Variants in CLMN observed in about 807,000 individuals in gnomAD.
CLMN encodes the protein calmin (calponin-like, transmembrane).
A neutral mutation model predicts 92.7 loss-of-function variants in CLMN; 57 were observed. The observed-to-expected ratio is 0.61, with a 90% CI of 0.50 to 0.77. The LOEUF is 0.77. Among genes scored for constraint, CLMN ranks in the 30% least tolerant of loss-of-function variants. The probability of loss-of-function intolerance (pLI) is 0.00; values close to 1 mark genes in which losing one functional copy is unlikely to be tolerated. For synonymous variants in CLMN, 466 were observed against 470.6 expected, an observed-to-expected ratio of 0.99 and a Z score of 0.13; for missense variants, 1,158 against 1,237.5, an observed-to-expected ratio of 0.94 and a Z score of 0.96.
intron 4 of CLMN, among the ~76,000 whole-genome samples, chr14:95,216,931 C>T (rs947765060): frequency 1.3e-5 from 2 of 152,176 alleles, no homozygotes; most frequent in Non-Finnish European, 2.9e-5. Flanking sequence ...GTAAGTGCGC[C>T]AGGTGATTCC....
At chr14:95,282,871 T>C (rs2140743250) in intron 1 of CLMN, among the ~76,000 whole-genome samples, 1 of 152,320 alleles carries the variant, frequency 6.6e-6, no homozygotes, top group Non-Finnish European at 1.5e-5. Flanking sequence ...CTGGAGCCTG[T>C]CAGATGCAGG....
At chr14:95,207,350 G>A (rs892066177) in intron 8 of CLMN, among the ~76,000 whole-genome samples, 6 of 152,088 alleles carry the variant, frequency 3.9e-5, no homozygotes, top group Non-Finnish European at 4.4e-5. Flanking sequence ...TAACTCCTGG[G>A]CTCAAGCAAT....
intron 1 of CLMN, among the ~76,000 whole-genome samples, chr14:95,269,176 C>T (rs1301115004): frequency 6.6e-6 from 1 of 151,936 alleles, no homozygotes; most frequent in Non-Finnish European, 1.5e-5. Flanking sequence ...CTTCATCCAC[C>T]AAGACGTTAA....
In CLMN at chr14:95,294,661, T is replaced by C. The variant is rs1019135547; in HGVS notation, c.82+25050A>G. ...GGATAAATCCCTGTGCTAGTCTCCT[T>C]TGCACACCCCTCCTCCTACTTCATC... is the stretch of plus-strand genomic sequence containing the variant. On this transcript the variant is annotated intron_variant, in intron 1 of 12. Transcript: ENST00000298912. The surrounding 1 kb of genome is among the most constrained non-coding windows in gnomAD (Gnocchi z 4.2). Among the ~76,000 whole-genome samples the C allele has an allele frequency of 4.6e-5, 7 of 152,160 alleles. No individual in the cohort carries two copies. Among genetic ancestry groups the C allele is most frequent in the Admixed American group, 4.6e-4 (7 of 15,284 alleles).
Position 95,210,648 on chromosome 14 carries a change from A to G in CLMN, c.802+38T>C, listed in dbSNP as rs74669418. The G allele has an allele frequency of 3.1e-3, 4,917 of 1,587,128 alleles. 10 individuals carry two copies. The highest frequency in any genetic ancestry group is 3.9e-3 in the Non-Finnish European group (4,531 of 1,171,372). ...GGGACAGCAAGTGGTACATTTGTAA[A>G]AAAAAATTATTAGAAAGAAAGAGAG... is the stretch of plus-strand genomic sequence containing the variant. On this transcript the variant is annotated intron_variant, in intron 7 of 12. Transcript: ENST00000298912.
At position 95,189,607 on chromosome 14, in the gene CLMN, C is replaced by G. The variant is rs1214965153; in HGVS notation, c.*1957G>C. On this transcript the variant is annotated 3_prime_UTR_variant, in exon 13 of 13. Coordinates refer to ENST00000298912, the MANE Select transcript of CLMN (RefSeq NM_024734.4). ...AGGTTTTTCTGAACAAGGTCTAGAC[C>G]CATAAAATGAAATGATTCACATTTG... 6.6e-6 allele frequency: 1 copy of G among 152,132 alleles called. No individual in the cohort carries two copies. Among genetic ancestry groups the G allele is most frequent in the Non-Finnish European group, 1.5e-5 (1 of 68,022 alleles). The allele number at this position is 152,132 out of a possible 1,614,324, so 9.4% of individuals were successfully genotyped here.
intron 1 of CLMN, among the ~76,000 whole-genome samples, chr14:95,291,384 G>A (rs2140759283): frequency 6.6e-6 from 1 of 152,354 alleles, no homozygotes; most frequent in Admixed American, 6.5e-5. Context: ...CTCGGGGCTG[G>A]CTAATACCTG....
intron 1 of CLMN, among the ~76,000 whole-genome samples, chr14:95,252,043 C>T (rs1188551869): frequency 5.3e-5 from 8 of 152,234 alleles, no homozygotes; most frequent in Admixed American, 5.2e-4. Context: ...GCGCCTCTTC[C>T]TTCCAGTCCT....
At position 95,237,645 on chromosome 14, in the gene CLMN, G is replaced by A. The variant is rs147144016; in HGVS notation, c.83-7512C>T. On this transcript the variant is annotated intron_variant, in intron 1 of 12. Coordinates refer to ENST00000298912, the MANE Select transcript of CLMN (RefSeq NM_024734.4). ...GCACCCATCTGCTCCCATGCCCCAG[G>A]TGTCATTTCCCAAGAAGCCCAGCGT... 2.7e-3 allele frequency among the ~76,000 whole-genome samples: 409 copies of A among 152,310 alleles called. 1 individual carries two copies. Among genetic ancestry groups the A allele is most frequent in the Middle Eastern group, 6.8e-3 (2 of 294 alleles).
chr14:95,199,395 G>A (rs1896813534), intron 9 of CLMN: 1 of 152,256 alleles, frequency 6.6e-6, no homozygotes, highest in African/African-American at 2.4e-5. Flanking sequence ...AGCTCCCGCA[G>A]GGTGCAAGCC....
intron 8 of CLMN, 50 bp downstream of exon 8, chr14:95,209,345 C>G (rs778684944): frequency 1.3e-6 from 2 of 1,552,822 alleles, no homozygotes; most frequent in African/African-American, 2.7e-5. Flanking sequence ...TGATGGCCAG[C>G]GGATGGAAAT....
chr14:95,277,589 A>G (rs148253270), intron 1 of CLMN, among the ~76,000 whole-genome samples: 153 of 152,332 alleles, frequency 1.0e-3, no homozygotes, highest in African/African-American at 3.5e-3. Flanking sequence ...CCAATGCTGT[A>G]GCTTAGTAGC....
chr14:95,254,327 T>C (rs190853167), intron 1 of CLMN, among the ~76,000 whole-genome samples: 72 of 152,168 alleles, frequency 4.7e-4, no homozygotes, highest in Non-Finnish European at 2.9e-4. Flanking sequence ...AAAATGCAAA[T>C]TGGTTCCAAA....
At chr14:95,229,677 A>G (rs115836132) in intron 2 of CLMN, among the ~76,000 whole-genome samples, 135 of 152,194 alleles carry the variant, frequency 8.9e-4, no homozygotes, top group Middle Eastern at 3.4e-3. Flanking sequence ...ACATTATGTG[A>G]CTTTAGAAGG....
chr14:95,194,245 C>A lies in CLMN; in HGVS notation c.2769+291G>T, dbSNP rs2282272. ...CTCATGTTGCACCTCTGTCTCTGAA[C>A]GTGATCCTTCTGGGTGCGCGCGGGG... On this transcript the variant is annotated intron_variant, in intron 11 of 12. Transcript: ENST00000298912. This position sits in a 1 kb window ranked among gnomAD's most constrained non-coding sequence, Gnocchi z 4.0. 1.4e-6 allele frequency: 2 copies of A among 1,390,380 alleles called. No individual in the cohort carries two copies. Among genetic ancestry groups the A allele is most frequent in the South Asian group, 1.6e-5 (1 of 61,550 alleles). The allele number at this position is 1,390,380 out of a possible 1,614,324, so 86.1% of individuals were successfully genotyped here.
In CLMN at chr14:95,292,041, T is replaced by C. The variant is rs11624087; in HGVS notation, c.82+27670A>G. On this transcript the variant is annotated intron_variant, in intron 1 of 12. Coordinates refer to ENST00000298912, the MANE Select transcript of CLMN (RefSeq NM_024734.4). Reference sequence around the variant, plus strand: ...GTTGACGTGTTCCCACGTCCTCATCTGGCCTCACTGCAAGCCCGAGAGGAA... The same window carrying C: ...GTTGACGTGTTCCCACGTCCTCATCCGGCCTCACTGCAAGCCCGAGAGGAA... Among the ~76,000 whole-genome samples the C allele has an allele frequency of 5.7e-3, 871 of 152,378 alleles. 2 individuals are homozygous for C. Among genetic ancestry groups the C allele is most frequent in the Non-Finnish European group, 0.01 (708 of 68,034 alleles).
Position 95,196,711 on chromosome 14 carries a change from C to T in CLMN, c.2512-17G>A. On this transcript the variant is annotated splice_polypyrimidine_tract_variant and intron_variant, in intron 9 of 12. Coordinates refer to ENST00000298912, the MANE Select transcript of CLMN (RefSeq NM_024734.4). Reference sequence around the variant, plus strand: ...TTCCTGGGACTGAAAGACAGAACAACCAAATCCAAGTCAGTATGTCACGCT... The same window carrying T: ...TTCCTGGGACTGAAAGACAGAACAATCAAATCCAAGTCAGTATGTCACGCT... The T allele has an allele frequency of 1.9e-6, 3 of 1,609,398 alleles. No homozygotes were observed. Among genetic ancestry groups the T allele is most frequent in the Non-Finnish European group, 2.5e-6 (3 of 1,177,832 alleles).
intron 4 of CLMN, among the ~76,000 whole-genome samples, 177 bp downstream of exon 4, chr14:95,221,514 T>C (rs1897537619): frequency 6.6e-6 from 1 of 152,214 alleles, no homozygotes. Flanking sequence ...TCAGGGACTA[T>C]GTTCCCAACG....
At chr14:95,305,000 C>A (rs921834678) in intron 1 of CLMN, among the ~76,000 whole-genome samples, 1 of 152,194 alleles carries the variant, frequency 6.6e-6, no homozygotes, top group Non-Finnish European at 1.5e-5. Flanking sequence ...TAGTCCCCAA[C>A]TTTTAAAGAG....
Sources: allele counts gnomAD v4.1 joint callset (sites outside exome capture counted in the v4.1 genomes callset), GRCh38; gene constraint gnomAD v4.1.1; non-coding constraint Gnocchi (gnomAD v3.1); transcripts MANE v1.5; gene names NCBI Gene and HGNC (gene_info 2026-07-23, HGNC 2026-07-21).